The following PALLD variants were observed in gnomAD, a reference collection of about 807,000 sequenced individuals.
PALLD encodes palladin.
A neutral mutation model predicts 123.5 loss-of-function variants in PALLD; 61 were observed. The ratio of observed to expected loss-of-function variants is 0.49; its 90% CI spans 0.40 to 0.61. The LOEUF (loss-of-function observed/expected upper bound fraction) is 0.61. Among genes scored for constraint, PALLD ranks in the 20% least tolerant of loss-of-function variants. PALLD has a pLI of 0.00. For synonymous variants in PALLD, 465 were observed against 496.4 expected, an observed-to-expected ratio of 0.94 and a Z score of 0.84; for missense variants, 1,273 against 1,377.0, an observed-to-expected ratio of 0.92 and a Z score of 1.20.
At chr4:168,800,841 C>A (rs561963245) in intron 10 of PALLD, among the ~76,000 whole-genome samples, 1 of 152,222 alleles carries the variant, frequency 6.6e-6, no homozygotes, top group Admixed American at 6.5e-5. Flanking sequence ...TCATAATAAC[C>A]CCAAACTGGA....
At chr4:168,767,770 C>T (rs1341918089) in intron 10 of PALLD, among the ~76,000 whole-genome samples, 2 of 152,146 alleles carry the variant, frequency 1.3e-5, no homozygotes, top group Admixed American at 6.6e-5. Context: ...TGGTCTCAAA[C>T]TCCCAACCTC....
At chr4:168,717,407 A>C (rs1785468741) in intron 10 of PALLD, among the ~76,000 whole-genome samples, 1 of 152,034 alleles carries the variant, frequency 6.6e-6, no homozygotes, top group Non-Finnish European at 1.5e-5. Context: ...CAATGGAGCA[A>C]TGATGTGATC....
chr4:168,590,976 T>G (rs1277892713), intron 2 of PALLD, among the ~76,000 whole-genome samples: 1 of 138,828 alleles, frequency 7.2e-6, no homozygotes, highest in African/African-American at 2.8e-5. Flanking sequence ...TCCCCCCAGG[T>G]TCAAGCAATT....
At chr4:168,747,221 A>G (rs908464469) in intron 10 of PALLD, among the ~76,000 whole-genome samples, 1 of 152,228 alleles carries the variant, frequency 6.6e-6, no homozygotes, top group African/African-American at 2.4e-5. Context: ...AATCAGCTGC[A>G]TAAAAGGGTA....
At chr4:168,845,971 G>A (rs1746785011) in intron 10 of PALLD, among the ~76,000 whole-genome samples, 1 of 152,154 alleles carries the variant, frequency 6.6e-6, no homozygotes, top group Non-Finnish European at 1.5e-5. Flanking sequence ...AAATTAATGT[G>A]GTCTCAATCA....
intron 3 of PALLD, among the ~76,000 whole-genome samples, chr4:168,669,619 A>T (rs2710843): frequency 3.3e-5 from 5 of 151,846 alleles, no homozygotes; most frequent in Admixed American, 6.6e-5. Context: ...AGAAAAATTT[A>T]AAAATAAAAA....
intron 10 of PALLD, among the ~76,000 whole-genome samples, chr4:168,716,590 C>G (rs1056011901): frequency 3.3e-5 from 5 of 152,106 alleles, no homozygotes; most frequent in Non-Finnish European, 7.4e-5. Context: ...TCACTCCCAC[C>G]CTTTGATACC....
intron 10 of PALLD, among the ~76,000 whole-genome samples, chr4:168,889,121 T>G (rs908458544): frequency 6.7e-5 from 10 of 149,320 alleles, no homozygotes; most frequent in Admixed American, 3.3e-4. Context: ...AGTAAAGTTT[T>G]GTTTGTTTGC....
Position 168,585,301 on chromosome 4 carries a change from A to AGT in PALLD, c.908+72912_908+72913dup, listed in dbSNP as rs3036319. Reference sequence around the variant, plus strand: ...GTGACCATGAGAATATATGAGTGTGAGTGTGTGTGTGTGTGTGTGTGTGTC... The same window carrying AGT: ...GTGACCATGAGAATATATGAGTGTGAGTGTGTGTGTGTGTGTGTGTGTGTGTC... On this transcript the variant is annotated intron_variant, in intron 2 of 21. Coordinates refer to ENST00000505667, the MANE Select transcript of PALLD (RefSeq NM_001166108.2). Among the ~76,000 whole-genome samples the AGT allele has an allele frequency of 5.0e-3, 749 of 150,242 alleles. 2 individuals carry two copies. Among genetic ancestry groups the AGT allele is most frequent in the Middle Eastern group, 0.01 (3 of 286 alleles).
At chr4:168,631,897 A>G (rs1475681943) in intron 2 of PALLD, 6 of 985,346 alleles carry the variant, frequency 6.1e-6, no homozygotes, top group African/African-American at 1.7e-5. Flanking sequence ...TTTGCGCCCA[A>G]CTGGTAAGTG....
intron 16 of PALLD, among the ~76,000 whole-genome samples, chr4:168,915,149 T>G (rs1191238642): frequency 6.6e-6 from 1 of 152,224 alleles, no homozygotes; most frequent in Non-Finnish European, 1.5e-5. Context: ...AGCTAATAAT[T>G]ATTAGCCTAG....
chr4:168,593,240 CCTA>C (rs1256604500), intron 2 of PALLD, among the ~76,000 whole-genome samples: 4 of 151,986 alleles, frequency 2.6e-5, no homozygotes, highest in African/African-American at 4.8e-5. Context: ...TCTCATCTCT[CCTA>C]CTAAGCTTTT....
At chr4:168,705,895 G>A (rs565632606) in intron 8 of PALLD, among the ~76,000 whole-genome samples, 72 of 152,060 alleles carry the variant, frequency 4.7e-4, no homozygotes, top group Non-Finnish European at 3.8e-4. Context: ...CGCCTGCCTC[G>A]GCCTCCCAAA....
At chr4:168,911,340 A>G (rs1758904906) in intron 15 of PALLD, among the ~76,000 whole-genome samples, 1 of 152,194 alleles carries the variant, frequency 6.6e-6, no homozygotes, top group Non-Finnish European at 1.5e-5. Flanking sequence ...CGCATAAATG[A>G]TTAGTTCATT....
chr4:168,610,245 T>G (rs969837839), intron 2 of PALLD, among the ~76,000 whole-genome samples: 2 of 152,192 alleles, frequency 1.3e-5, no homozygotes, highest in Non-Finnish European at 2.9e-5. Context: ...TGTTTTTCCC[T>G]CAGAGCTCCT....
At chr4:168,502,770 G>A (rs1018088071) in intron 1 of PALLD, among the ~76,000 whole-genome samples, 4 of 152,236 alleles carry the variant, frequency 2.6e-5, no homozygotes, top group Admixed American at 1.3e-4. Context: ...CAGGCCTGAC[G>A]ATGCACACGC....
intron 17 of PALLD, among the ~76,000 whole-genome samples, chr4:168,920,015 G>A (rs993998176): frequency 2.6e-5 from 4 of 152,146 alleles, no homozygotes; most frequent in African/African-American, 9.7e-5. Context: ...AACATACTGT[G>A]GCTTCAGTCA....
At chr4:168,598,159 C>A in intron 2 of PALLD, 1 of 260,670 alleles carries the variant, frequency 3.8e-6, no homozygotes. Flanking sequence ...AGGCAATACA[C>A]CCTGTATCTG....
chr4:168,526,452 A>T (rs559602462), intron 2 of PALLD, among the ~76,000 whole-genome samples: 1 of 152,210 alleles, frequency 6.6e-6, no homozygotes, highest in African/African-American at 2.4e-5. Context: ...ATCCAAAAAG[A>T]AAGAGGAGTT....
Sources: allele counts gnomAD v4.1 joint callset (sites outside exome capture counted in the v4.1 genomes callset), GRCh38; gene constraint gnomAD v4.1.1; transcripts MANE v1.5; gene names NCBI Gene and HGNC (gene_info 2026-07-23, HGNC 2026-07-21).